Variants in ATP2C2 observed in about 807,000 individuals in gnomAD.
The protein encoded by ATP2C2 is ATPase secretory pathway Ca2+ transporting 2, also known as calcium-transporting ATPase type 2C member 2.
Under a neutral mutation model 110.8 loss-of-function variants are expected in ATP2C2, and 171 were observed. That is an observed-to-expected ratio of 1.54 (90% CI 1.36 to 1.75). The LOEUF is 1.75. Among genes scored for constraint, ATP2C2 ranks in the 40% most tolerant of loss-of-function variants. ATP2C2 has a pLI of 0.00. For missense variants in ATP2C2, 1,963 were observed against 1,235.0 expected (o/e 1.59, Z -8.84); for synonymous variants, 804 against 508.4 (o/e 1.58, Z -7.82).
intron 26 of ATP2C2, 79 bp downstream of exon 26, chr16:84,462,208 G>T (rs1782025172): frequency 3.9e-6 from 6 of 1,548,116 alleles, no homozygotes; most frequent in Non-Finnish European, 5.2e-6. Context: ...GGGAGCTGCA[G>T]CCCAGGAGGG....
chr16:84,397,053 C>T (rs7206029), intron 1 of ATP2C2, among the ~76,000 whole-genome samples: 10,942 of 151,844 alleles, frequency 0.072, 916 homozygotes, highest in African/African-American at 0.19. Context: ...CTTCCTTTTT[C>T]CCAGTTTCCA....
At chr16:84,456,594 C>T (rs1910807902) in intron 21 of ATP2C2, among the ~76,000 whole-genome samples, 2 of 114,678 alleles carry the variant, frequency 1.7e-5, no homozygotes, top group Admixed American at 2.0e-4. Context: ...TAGAAAACCC[C>T]ATGGTCTCAG....
chr16:84,373,993 C>T (rs1043435826), intron 1 of ATP2C2, among the ~76,000 whole-genome samples: 3 of 152,186 alleles, frequency 2.0e-5, no homozygotes, highest in Admixed American at 1.3e-4. Context: ...AAGCAGCCTA[C>T]GAATGCCAAT....
At chr16:84,451,125 T>C (rs904100040) in intron 17 of ATP2C2, among the ~76,000 whole-genome samples, 21 of 152,164 alleles carry the variant, frequency 1.4e-4, no homozygotes, top group Non-Finnish European at 2.8e-4. Context: ...CTTGCAATCA[T>C]GGCAGAAGGT....
At chr16:84,384,838 T>G (rs1294278018) in intron 1 of ATP2C2, among the ~76,000 whole-genome samples, 1 of 151,994 alleles carries the variant, frequency 6.6e-6, no homozygotes, top group African/African-American at 2.4e-5. Flanking sequence ...TCACTTCAGG[T>G]CAGAAGTTCA....
intron 16 of ATP2C2, among the ~76,000 whole-genome samples, chr16:84,447,019 C>A (rs751504543): frequency 6.6e-6 from 1 of 152,176 alleles, no homozygotes; most frequent in Non-Finnish European, 1.5e-5. Context: ...AAGCTATGGC[C>A]ACCCCGGGTG....
chr16:84,409,824 C>T (rs1008228987), intron 4 of ATP2C2, among the ~76,000 whole-genome samples: 1 of 152,110 alleles, frequency 6.6e-6, no homozygotes, highest in East Asian at 1.9e-4. Context: ...TGATGGCTGT[C>T]ATTCCCCACT....
intron 17 of ATP2C2, among the ~76,000 whole-genome samples, chr16:84,449,417 G>T (rs1910053291): frequency 6.6e-6 from 1 of 152,098 alleles, no homozygotes; most frequent in Non-Finnish European, 1.5e-5. Context: ...TTGGCACTTT[G>T]CCCCCCCAAA....
intron 1 of ATP2C2, among the ~76,000 whole-genome samples, chr16:84,390,707 G>C (rs1340125769): frequency 6.6e-6 from 1 of 152,166 alleles, no homozygotes; most frequent in Admixed American, 6.5e-5. Context: ...AGCTCCACGT[G>C]GTGCCTGCAC....
Position 84,458,755 on chromosome 16 carries a change from C to T in ATP2C2, c.2148-365C>T, listed in dbSNP as rs115285698. ...TTTTTAGGCCGAACTGGTTTTGCTGCGTCTCTCTCTCCTCTTTGGTAAATC... is the reference window on the plus strand; with the variant it reads ...TTTTTAGGCCGAACTGGTTTTGCTGTGTCTCTCTCTCCTCTTTGGTAAATC... On this transcript the variant is annotated intron_variant, in intron 21 of 26. Coordinates refer to ENST00000262429, the MANE Select transcript of ATP2C2 (RefSeq NM_014861.4). Among the ~76,000 whole-genome samples, 171 of 152,330 alleles carry T rather than the reference C, an allele frequency of 1.1e-3. 1 individual carries two copies. The highest frequency in any genetic ancestry group is 3.9e-3 in the African/African-American group (164 of 41,578).
At chr16:84,420,279 C>T (rs147888812) in intron 7 of ATP2C2, among the ~76,000 whole-genome samples, 195 of 152,168 alleles carry the variant, frequency 1.3e-3, no homozygotes, top group African/African-American at 4.4e-3. Flanking sequence ...CCATTCACTG[C>T]GGTATTCCCA....
At chr16:84,393,268 C>T (rs4782947) in intron 1 of ATP2C2, among the ~76,000 whole-genome samples, 3,282 of 152,270 alleles carry the variant, frequency 0.022, 62 homozygotes, top group Middle Eastern at 0.085. Context: ...ATTAGGCCCC[C>T]GGGCCCCTAT....
chr16:84,420,756 G>C (rs1014127714), intron 7 of ATP2C2, among the ~76,000 whole-genome samples: 6 of 152,038 alleles, frequency 3.9e-5, no homozygotes, highest in Non-Finnish European at 8.8e-5. Context: ...GTTCTTGTTG[G>C]CTGTGACAGT....
chr16:84,453,411 C>T, intron 20 of ATP2C2, 40 bp downstream of exon 20: 1 of 1,612,078 alleles, frequency 6.2e-7, no homozygotes, highest in South Asian at 1.1e-5. Flanking sequence ...GCTGCTGGGG[C>T]CGGGCCAGAG....
intron 1 of ATP2C2, among the ~76,000 whole-genome samples, chr16:84,388,580 C>A (rs4555142): frequency 6.6e-6 from 1 of 151,768 alleles, no homozygotes; most frequent in Non-Finnish European, 1.5e-5. Flanking sequence ...GATAGAGAAG[C>A]CTTGGAAAGA....
intron 1 of ATP2C2, among the ~76,000 whole-genome samples, chr16:84,370,632 C>T (rs1463888788): frequency 3.3e-5 from 5 of 150,468 alleles, no homozygotes; most frequent in Admixed American, 6.6e-5. Context: ...GGAAAGGAGG[C>T]GATGTGTGTT....
chr16:84,429,948 C>A (rs1908119683), intron 11 of ATP2C2, among the ~76,000 whole-genome samples: 1 of 152,174 alleles, frequency 6.6e-6, no homozygotes, highest in Non-Finnish European at 1.5e-5. Context: ...GTGTCACAGG[C>A]AGTCCTGAGC....
chr16:84,459,241 G>T (rs1299947227), intron 22 of ATP2C2, 29 bp from the exon 23 acceptor site: 2 of 1,613,940 alleles, frequency 1.2e-6, no homozygotes, highest in African/African-American at 2.7e-5. Flanking sequence ...CTGGCGGGCG[G>T]CCGCTGACTG....
chr16:84,400,006 AG>A (rs150768944), intron 2 of ATP2C2, among the ~76,000 whole-genome samples: 4,216 of 152,194 alleles, frequency 0.028, 158 homozygotes, highest in African/African-American at 0.088. Context: ...GAACCTGCAA[AG>A]TTTGCCTTTC....
Sources: allele counts gnomAD v4.1 joint callset (sites outside exome capture counted in the v4.1 genomes callset), GRCh38; gene constraint gnomAD v4.1.1; transcripts MANE v1.5; gene names NCBI Gene and HGNC (gene_info 2026-07-23, HGNC 2026-07-21).